The following NTPCR variants were observed in gnomAD, a reference collection of about 807,000 sequenced individuals.
The protein encoded by NTPCR is nucleoside-triphosphatase, cancer-related.
A neutral mutation model predicts 19.5 loss-of-function variants in NTPCR; 15 were observed. That is an observed-to-expected ratio of 0.77 (90% CI 0.51 to 1.18). NTPCR has a LOEUF of 1.18. Among genes scored for constraint, NTPCR ranks in the 50% most tolerant of loss-of-function variants. The pLI, the probability that NTPCR is intolerant of heterozygous loss-of-function variation, is 0.00. For synonymous variants in NTPCR, 90 were observed against 95.8 expected, an observed-to-expected ratio of 0.94 and a Z score of 0.36; for missense variants, 206 against 240.4, an observed-to-expected ratio of 0.86 and a Z score of 0.95.
chr1:232,971,619 C>T (rs1052195729), intron 4 of NTPCR, among the ~76,000 whole-genome samples: 6 of 152,136 alleles, frequency 3.9e-5, no homozygotes, highest in South Asian at 2.1e-4. Flanking sequence ...CTGTGGTGAA[C>T]GAGACTGACC....
In NTPCR at chr1:232,950,628, C is replaced by A; in HGVS notation, c.-83C>A. On this transcript the variant is annotated 5_prime_UTR_variant, in exon 1 of 5. Coordinates refer to ENST00000366628, the MANE Select transcript of NTPCR (RefSeq NM_032324.3). ...CACGCGGTGGGCGGGTCCTGAGTCG[C>A]GACCCTGGTCCGGACCTGACCTGAA... 2.6e-6 allele frequency: 3 copies of A among 1,172,254 alleles called. No individual in the cohort carries two copies. Among genetic ancestry groups the A allele is most frequent in the African/African-American group, 1.5e-5 (1 of 65,758 alleles). 72.6% of individuals were successfully genotyped at this position (1,172,254 alleles called of 1,614,324 possible). A position where few individuals can be genotyped will look rare whatever the true frequency, so the allele number is the denominator to read the frequency against.
intron 4 of NTPCR, chr1:232,976,386 T>C: frequency 6.5e-7 from 1 of 1,550,128 alleles, no homozygotes; most frequent in Non-Finnish European, 8.7e-7. Flanking sequence ...TCTCCAGCTG[T>C]GTATCACAGT....
chr1:232,955,542 T>TA lies in NTPCR; in HGVS notation c.35-15_35-14insA, dbSNP rs1558125658. On this transcript the variant is annotated splice_polypyrimidine_tract_variant and intron_variant, in intron 1 of 4. Coordinates refer to ENST00000366628, the MANE Select transcript of NTPCR (RefSeq NM_032324.3). ...ATGGGCTTTTCTTCTTTTTTTTTTT[T>TA]TTTTTTTATTTTAGGAGTTGGAAAA... The TA allele has an allele frequency of 2.7e-6, 4 of 1,490,990 alleles. No individual in the cohort carries two copies. The highest frequency in any genetic ancestry group is 2.7e-5 in the South Asian group (2 of 74,900). 92.4% of individuals were successfully genotyped at this position (1,490,990 alleles called of 1,614,324 possible). A position where few individuals can be genotyped will look rare whatever the true frequency, so the allele number is the denominator to read the frequency against.
rs201245806 is a variant in NTPCR, at chr1:232,955,749, A to G, written c.197+30A>G. On this transcript the variant is annotated intron_variant, in intron 2 of 4. Transcript: ENST00000366628. ...TGATATTTCATTTCTGTGGTGTTCT[A>G]TTATCTAAGCTCCCCTTCCATCTGT... is the stretch of plus-strand genomic sequence containing the variant. 81 of 1,604,348 alleles carry G rather than the reference A, an allele frequency of 5.0e-5. 1 individual carries two copies. The highest frequency in any genetic ancestry group is 1.7e-4 in the Middle Eastern group (1 of 5,826).
chr1:232,965,852 G>A (rs918010924), intron 3 of NTPCR: 1 of 152,258 alleles, frequency 6.6e-6, no homozygotes, highest in Non-Finnish European at 1.5e-5. Context: ...TGTGAGTCCC[G>A]AGAGGCCATT....
At chr1:232,956,864 T>G (rs773745799) in intron 3 of NTPCR, among the ~76,000 whole-genome samples, 1 of 152,062 alleles carries the variant, frequency 6.6e-6, no homozygotes, top group Non-Finnish European at 1.5e-5. Flanking sequence ...TTATATTACC[T>G]TTTTTAAAAA....
chr1:232,953,112 C>T (rs903020319), intron 1 of NTPCR, among the ~76,000 whole-genome samples: 6 of 152,216 alleles, frequency 3.9e-5, no homozygotes, highest in Non-Finnish European at 5.9e-5. Flanking sequence ...CAGCTGCCCC[C>T]AGTGGAACTT....
intron 3 of NTPCR, chr1:232,968,260 G>A (rs566856200): frequency 1.6e-4 from 25 of 152,312 alleles, no homozygotes; most frequent in African/African-American, 5.3e-4. Flanking sequence ...GACCTCTCTT[G>A]GGTGATTACA....
chr1:232,974,405 A>G (rs918822881), intron 4 of NTPCR, among the ~76,000 whole-genome samples: 1 of 152,240 alleles, frequency 6.6e-6, no homozygotes, highest in Non-Finnish European at 1.5e-5. Context: ...ATCAGGAAGG[A>G]AGAAAGAACA....
chr1:232,976,097 ATATT>A (rs1669114737), intron 4 of NTPCR, among the ~76,000 whole-genome samples: 1 of 152,228 alleles, frequency 6.6e-6, no homozygotes, highest in Non-Finnish European at 1.5e-5. Flanking sequence ...GAGTATCAAA[ATATT>A]AATATTGGAG....
In NTPCR at chr1:232,966,438, C is replaced by T. The variant is rs1191813236; in HGVS notation, c.295-3471C>T. 2.0e-5 allele frequency: 3 copies of T among 152,134 alleles called. No individual in the cohort carries two copies. The East Asian group carries it at 5.8e-4, about 29-fold the overall frequency. The allele number at this position is 152,134 out of a possible 1,614,324, so 9.4% of individuals were successfully genotyped here. A position where few individuals can be genotyped will look rare whatever the true frequency, so the allele number is the denominator to read the frequency against. The stretch of plus-strand genomic sequence containing the variant: ...CAAATAATTCAGAATAAGGCAAAGA[C>T]CACTTGGATTAGCTTGCTCTCAGTT... On this transcript the variant is annotated intron_variant, in intron 3 of 4. Transcript: ENST00000366628.
intron 1 of NTPCR, chr1:232,951,077 A>G: frequency 3.4e-6 from 1 of 291,298 alleles, no homozygotes; most frequent in Non-Finnish European, 6.4e-6. Context: ...ATTTCAAGAG[A>G]TCTGCGGCAA....
intron 4 of NTPCR, among the ~76,000 whole-genome samples, chr1:232,970,806 G>A (rs1181827985): frequency 2.6e-5 from 4 of 152,124 alleles, no homozygotes; most frequent in African/African-American, 7.2e-5. Context: ...CTGTGGTCTC[G>A]TGTGGCTGCT....
In NTPCR at chr1:232,980,026, C is replaced by T. The variant is rs1328762317; in HGVS notation, c.*1795C>T. 1 of 152,260 alleles carries T rather than the reference C, an allele frequency of 6.6e-6. No homozygotes were observed. The highest frequency in any genetic ancestry group is 1.9e-4 in the East Asian group (1 of 5,198). 9.4% of individuals were successfully genotyped at this position (152,260 alleles called of 1,614,324 possible). A position where few individuals can be genotyped will look rare whatever the true frequency, so the allele number is the denominator to read the frequency against. ...CTTCATGCATCTGAAACACCAAGGG[C>T]CATGTTCCTTCTGGTGCTTGTCCTT... On this transcript the variant is annotated 3_prime_UTR_variant, in exon 5 of 5. Transcript: ENST00000366628.
chr1:232,960,752 G>T (rs1027763745), intron 3 of NTPCR, among the ~76,000 whole-genome samples: 4 of 152,146 alleles, frequency 2.6e-5, no homozygotes, highest in Non-Finnish European at 5.9e-5. Flanking sequence ...AAGGTTTTTG[G>T]AAAGCCTCTA....
chr1:232,953,338 G>C (rs1668425677), intron 1 of NTPCR, among the ~76,000 whole-genome samples: 1 of 152,192 alleles, frequency 6.6e-6, no homozygotes, highest in Non-Finnish European at 1.5e-5. Context: ...TCCTGAAGCA[G>C]AGGTCATTTC....
chr1:232,960,128 C>T (rs774685188), intron 3 of NTPCR, among the ~76,000 whole-genome samples: 4 of 147,738 alleles, frequency 2.7e-5, no homozygotes, highest in African/African-American at 5.0e-5. Context: ...GCAGGAGAAT[C>T]GCTTGAACCC....
chr1:232,976,246 C>T, intron 4 of NTPCR: 1 of 1,381,996 alleles, frequency 7.2e-7, no homozygotes, highest in Non-Finnish European at 9.4e-7. Context: ...ATTTCCATAT[C>T]TGTCACTTTA....
Position 232,976,522 on chromosome 1 carries a change from T to C in NTPCR, c.505-1641T>C, listed in dbSNP as rs1475197616. On this transcript the variant is annotated intron_variant, in intron 4 of 4. Transcript: ENST00000366628. ...TCCTTTCTACCTCAGGTGGATTCCT[T>C]GAATGCAAACAACAGGAATGGACTT... 3.9e-6 allele frequency: 6 copies of C among 1,532,592 alleles called. No homozygotes were observed. In the Admixed American group the frequency reaches 1.1e-4, roughly 28 times the overall value. The allele number at this position is 1,532,592 out of a possible 1,614,324, so 94.9% of individuals were successfully genotyped here.
Sources: allele counts gnomAD v4.1 joint callset (sites outside exome capture counted in the v4.1 genomes callset), GRCh38; gene constraint gnomAD v4.1.1; transcripts MANE v1.5; gene names NCBI Gene and HGNC (gene_info 2026-07-23, HGNC 2026-07-21).